The following GATAD2B variants were observed in gnomAD, a reference collection of about 807,000 sequenced individuals.
GATAD2B encodes transcriptional repressor p66-beta.
In GATAD2B, 8 loss-of-function variants were observed where a neutral mutation model predicts 64.3. The observed-to-expected ratio is 0.12, with a 90% CI of 0.07 to 0.22. The LOEUF (loss-of-function observed/expected upper bound fraction) is 0.22, where lower values mean the gene tolerates loss of function less well. Among genes scored for constraint, GATAD2B ranks in the 10% least tolerant of loss-of-function variants. The probability of loss-of-function intolerance (pLI) is 1.00; values close to 1 mark genes in which losing one functional copy is unlikely to be tolerated. For missense variants in GATAD2B, 453 were observed against 752.0 expected, an observed-to-expected ratio of 0.60 and a Z score of 4.65; for synonymous variants, 281 against 271.3, an observed-to-expected ratio of 1.04 and a Z score of -0.35.
At chr1:153,897,728 C>T (rs1677638307) in intron 1 of GATAD2B, among the ~76,000 whole-genome samples, 1 of 152,104 alleles carries the variant, frequency 6.6e-6, no homozygotes, top group Non-Finnish European at 1.5e-5. Flanking sequence ...GATCACCACT[C>T]CTGCTATATA....
chr1:153,875,824 A>G (rs548039016), intron 1 of GATAD2B, among the ~76,000 whole-genome samples: 1 of 152,268 alleles, frequency 6.6e-6, no homozygotes, highest in South Asian at 2.1e-4. Flanking sequence ...TGTGCTAGGC[A>G]TTGCGCTAAA....
At chr1:153,868,775 A>G (rs541886153) in intron 1 of GATAD2B, among the ~76,000 whole-genome samples, 1 of 145,562 alleles carries the variant, frequency 6.9e-6, no homozygotes, top group East Asian at 2.0e-4. Context: ...TTGCTCCGTC[A>G]CCCAGGGTGG....
intron 1 of GATAD2B, among the ~76,000 whole-genome samples, chr1:153,920,066 C>T (rs2101974990): frequency 6.6e-6 from 1 of 152,340 alleles, no homozygotes; most frequent in Admixed American, 6.5e-5. Flanking sequence ...GGGTGGCTAA[C>T]ATGGAATATG....
At chr1:153,891,779 A>G (rs1010099964) in intron 1 of GATAD2B, among the ~76,000 whole-genome samples, 2 of 151,636 alleles carry the variant, frequency 1.3e-5, no homozygotes, top group Admixed American at 6.6e-5. Flanking sequence ...TGCATATATC[A>G]CCTATCCAAA....
intron 1 of GATAD2B, among the ~76,000 whole-genome samples, chr1:153,886,217 G>A (rs892684882): frequency 1.3e-5 from 2 of 152,182 alleles, no homozygotes; most frequent in Non-Finnish European, 2.9e-5. Context: ...GATACATTCT[G>A]AAAAATACAT....
At chr1:153,838,703 T>A (rs1675363627) in intron 1 of GATAD2B, among the ~76,000 whole-genome samples, 2 of 152,174 alleles carry the variant, frequency 1.3e-5, no homozygotes, top group Admixed American at 1.3e-4. Context: ...ATAGAATTGA[T>A]AGGAGTTGGT....
chr1:153,884,171 T>C (rs1677094383), intron 1 of GATAD2B, among the ~76,000 whole-genome samples: 1 of 152,122 alleles, frequency 6.6e-6, no homozygotes, highest in Non-Finnish European at 1.5e-5. Context: ...GCAGGCACAG[T>C]GGCTCATGCC....
intron 1 of GATAD2B, among the ~76,000 whole-genome samples, chr1:153,862,063 G>C (rs12726350): frequency 0.12 from 17,305 of 144,308 alleles, 1,580 homozygotes; most frequent in East Asian, 0.5. Context: ...GAAATGTGAA[G>C]AATATAACTT....
At chr1:153,886,504 C>T (rs188383731) in intron 1 of GATAD2B, 31 of 151,018 alleles carry the variant, frequency 2.1e-4, no homozygotes, top group South Asian at 6.3e-4. Context: ...CCATTACAAA[C>T]GCTGAAAAAT....
At chr1:153,849,705 A>T (rs550846918) in intron 1 of GATAD2B, among the ~76,000 whole-genome samples, 4 of 152,260 alleles carry the variant, frequency 2.6e-5, no homozygotes, top group Non-Finnish European at 4.4e-5. Flanking sequence ...ATCTTGGCTC[A>T]CTGCAACCCC....
At chr1:153,854,038 C>T (rs1369207309) in intron 1 of GATAD2B, among the ~76,000 whole-genome samples, 1 of 152,130 alleles carries the variant, frequency 6.6e-6, no homozygotes, top group Non-Finnish European at 1.5e-5. Flanking sequence ...ACCTTCAAGG[C>T]TCCCTGCTTT....
intron 1 of GATAD2B, among the ~76,000 whole-genome samples, chr1:153,874,248 C>T (rs1032007567): frequency 6.8e-6 from 1 of 148,016 alleles, no homozygotes; most frequent in East Asian, 2.0e-4. Context: ...GGAGACAGAG[C>T]AACACTCCGT....
chr1:153,851,279 T>C (rs887677805), intron 1 of GATAD2B, among the ~76,000 whole-genome samples: 1 of 152,216 alleles, frequency 6.6e-6, no homozygotes, highest in African/African-American at 2.4e-5. Flanking sequence ...TTTGGGATCC[T>C]GATTTTATTT....
Position 153,900,738 on chromosome 1 carries a change from C to A in GATAD2B, c.-2+21995G>T, listed in dbSNP as rs1323109121. 3.9e-5 allele frequency among the ~76,000 whole-genome samples: 6 copies of A among 152,194 alleles called. No individual in the cohort carries two copies. The East Asian group carries it at 1.2e-3, about 29-fold the overall frequency. On this transcript the variant is annotated intron_variant, in intron 1 of 10. Coordinates refer to ENST00000368655, the MANE Select transcript of GATAD2B (RefSeq NM_020699.4). ...ATATTTTAGGTTTTGGAGGCCTTAA[C>A]ATCTTTGTTGTGACTAGTAACTCTG...
intron 1 of GATAD2B, among the ~76,000 whole-genome samples, chr1:153,901,792 C>T (rs1208838360): frequency 6.6e-6 from 1 of 150,630 alleles, no homozygotes; most frequent in East Asian, 2.0e-4. Context: ...CCACTGCACT[C>T]CAGCCTGGGA....
chr1:153,879,760 TA>T (rs1676953279), intron 1 of GATAD2B, among the ~76,000 whole-genome samples: 1 of 55,916 alleles, frequency 1.8e-5, no homozygotes, highest in African/African-American at 7.0e-5. Context: ...AGACACTGTC[TA>T]CAAAAAAAAA....
intron 1 of GATAD2B, among the ~76,000 whole-genome samples, chr1:153,830,398 G>GGCCTC (rs1675032680): frequency 6.6e-6 from 1 of 151,948 alleles, no homozygotes; most frequent in Non-Finnish European, 1.5e-5. Flanking sequence ...TGTCTGCCTC[G>GGCCTC]GCCTCCTGAA....
At chr1:153,819,538 A>C in intron 3 of GATAD2B, 68 bp downstream of exon 3, 1 of 1,136,326 alleles carries the variant, frequency 8.8e-7, no homozygotes, top group Non-Finnish European at 1.3e-6. Flanking sequence ...ACAGAACTAA[A>C]TCTCTTGAGG....
intron 1 of GATAD2B, 107 bp from the exon 2 acceptor site, chr1:153,828,455 T>C (rs60239751): frequency 5.0e-4 from 294 of 584,346 alleles, no homozygotes; most frequent in Middle Eastern, 1.8e-3. Flanking sequence ...CTCTCACACA[T>C]ACACACACAC....
Sources: gnomAD v4.1 joint callset for allele counts (sites outside exome capture counted in the v4.1 genomes callset) on GRCh38, gnomAD v4.1.1 for gene constraint, MANE v1.5 for transcripts, NCBI Gene and HGNC (gene_info 2026-07-23, HGNC 2026-07-21) for gene names.